Variants in STAG1 observed in about 807,000 individuals in gnomAD.
The protein encoded by STAG1 is cohesin subunit SA-1.
Under a neutral mutation model 170.9 loss-of-function variants are expected in STAG1, and 26 were observed. That is an observed-to-expected ratio of 0.15 (90% confidence interval 0.11 to 0.21). The LOEUF (loss-of-function observed/expected upper bound fraction) is 0.21. STAG1 is among the 10% of genes least tolerant of loss of function. STAG1 has a pLI of 1.00. For synonymous variants in STAG1, 514 were observed against 497.7 expected (o/e 1.03, Z -0.44); for missense variants, 964 against 1,509.5 (o/e 0.64, Z 5.99).
At chr3:136,397,181 C>CTTAGTCATGTTCAGGCCTCTCA (rs2087188414) in intron 22 of STAG1, among the ~76,000 whole-genome samples, 2 of 152,120 alleles carry the variant, frequency 1.3e-5, no homozygotes, top group South Asian at 4.1e-4. Context: ...ATGTTTACTT[C>CTTAGTCATGTTCAGGCCTCTCA]TTAGTCATGT....
chr3:136,711,981 GA>G (rs1206195083), intron 1 of STAG1, among the ~76,000 whole-genome samples: 1 of 152,078 alleles, frequency 6.6e-6, no homozygotes, highest in Non-Finnish European at 1.5e-5. Flanking sequence ...CTGTTTAACG[GA>G]AAAAAACCTG....
At chr3:136,438,371 G>A (rs142082981) in intron 15 of STAG1, among the ~76,000 whole-genome samples, 1,543 of 151,432 alleles carry the variant, frequency 0.01, 17 homozygotes, top group Non-Finnish European at 0.015. Flanking sequence ...GACAAGGCGC[G>A]TGCCACCACA....
chr3:136,490,175 G>A (rs973328670), intron 9 of STAG1, among the ~76,000 whole-genome samples: 1 of 152,036 alleles, frequency 6.6e-6, no homozygotes, highest in Non-Finnish European at 1.5e-5. Flanking sequence ...TGAGTAGCTG[G>A]GATTACAGGC....
intron 22 of STAG1, among the ~76,000 whole-genome samples, chr3:136,394,856 G>A (rs985091422): frequency 6.6e-6 from 1 of 151,652 alleles, no homozygotes; most frequent in Non-Finnish European, 1.5e-5. Context: ...GGGATGCTGA[G>A]GCAGGAGAAT....
chr3:136,549,115 A>G (rs1936278532), intron 5 of STAG1, among the ~76,000 whole-genome samples: 1 of 152,216 alleles, frequency 6.6e-6, no homozygotes. Flanking sequence ...ACGGACTAAT[A>G]ACACCTCTTA....
At chr3:136,718,359 T>C (rs1932988030) in intron 1 of STAG1, among the ~76,000 whole-genome samples, 1 of 152,202 alleles carries the variant, frequency 6.6e-6, no homozygotes, top group Non-Finnish European at 1.5e-5. Flanking sequence ...AAATTTTCCA[T>C]AATTAAAAGT....
chr3:136,751,185 G>GT (rs71134409), intron 1 of STAG1, among the ~76,000 whole-genome samples: 11,978 of 120,772 alleles, frequency 0.099, 1,553 homozygotes, highest in African/African-American at 0.3. Context: ...TTTTTTTTTT[G>GT]TTTTTTTTTT....
At chr3:136,671,594 T>C (rs548029331) in intron 1 of STAG1, among the ~76,000 whole-genome samples, 24 of 152,234 alleles carry the variant, frequency 1.6e-4, no homozygotes, top group African/African-American at 5.5e-4. Flanking sequence ...GAAAAAGCAA[T>C]GTATTACACT....
At chr3:136,349,501 C>T (rs1936354168) in intron 28 of STAG1, 138 bp from the exon 29 acceptor site, 1 of 663,250 alleles carries the variant, frequency 1.5e-6, no homozygotes, top group Non-Finnish European at 2.6e-6. Flanking sequence ...ACAGTGGTCA[C>T]CTTTGGAAAG....
At chr3:136,471,970 T>C (rs549696643) in intron 12 of STAG1, among the ~76,000 whole-genome samples, 4 of 152,138 alleles carry the variant, frequency 2.6e-5, no homozygotes, top group African/African-American at 2.4e-5. Context: ...CCTAAGTAGC[T>C]AGGACAACAG....
At chr3:136,421,504 C>T (rs2087956375) in intron 19 of STAG1, among the ~76,000 whole-genome samples, 1 of 151,788 alleles carries the variant, frequency 6.6e-6, no homozygotes, top group East Asian at 1.9e-4. Context: ...TTGAAAATCA[C>T]AAGGAAAATC....
At chr3:136,344,903 C>T (rs938845064) in intron 29 of STAG1, among the ~76,000 whole-genome samples, 4 of 151,992 alleles carry the variant, frequency 2.6e-5, no homozygotes, top group Non-Finnish European at 5.9e-5. Flanking sequence ...CATGAGCCAC[C>T]ACGCCCAGGC....
At chr3:136,595,490 G>C (rs553891402) in intron 4 of STAG1, among the ~76,000 whole-genome samples, 2 of 151,866 alleles carry the variant, frequency 1.3e-5, no homozygotes, top group African/African-American at 2.4e-5. Flanking sequence ...TCAGGAGATT[G>C]AGACCATCCT....
At chr3:136,468,858 G>A (rs548784706) in intron 12 of STAG1, among the ~76,000 whole-genome samples, 9 of 151,800 alleles carry the variant, frequency 5.9e-5, no homozygotes, top group African/African-American at 2.2e-4. Flanking sequence ...ATGTAATCCA[G>A]CATATGAACA....
At chr3:136,714,811 A>G (rs913559545) in intron 1 of STAG1, among the ~76,000 whole-genome samples, 1 of 149,124 alleles carries the variant, frequency 6.7e-6, no homozygotes, top group Non-Finnish European at 1.5e-5. Flanking sequence ...TGGGAGACTG[A>G]GATGGCAAGA....
intron 9 of STAG1, among the ~76,000 whole-genome samples, chr3:136,498,239 TAC>T (rs1559841814): frequency 1.0e-4 from 5 of 48,722 alleles, no homozygotes; most frequent in African/African-American, 2.3e-4. Flanking sequence ...TATATACACA[TAC>T]ATATACATAC....
At chr3:136,657,943 T>A (rs1941449389) in intron 1 of STAG1, among the ~76,000 whole-genome samples, 1 of 152,188 alleles carries the variant, frequency 6.6e-6, no homozygotes, top group Non-Finnish European at 1.5e-5. Flanking sequence ...TGGTATTAAA[T>A]ATAAAAAGGG....
chr3:136,671,601 C>G (rs567863630), intron 1 of STAG1, among the ~76,000 whole-genome samples: 3 of 152,244 alleles, frequency 2.0e-5, no homozygotes, highest in Admixed American at 1.3e-4. Context: ...CAATGTATTA[C>G]ACTGGCAAAC....
chr3:136,393,438 C>T (rs1233200976), intron 22 of STAG1, among the ~76,000 whole-genome samples: 5 of 151,968 alleles, frequency 3.3e-5, no homozygotes, highest in African/African-American at 4.8e-5. Context: ...ACCTGGGAGA[C>T]GGAGCTTGCA....
Sources: allele counts gnomAD v4.1 joint callset (sites outside exome capture counted in the v4.1 genomes callset), GRCh38; gene constraint gnomAD v4.1.1; transcripts MANE v1.5; gene names NCBI Gene and HGNC (gene_info 2026-07-23, HGNC 2026-07-21).